The following TSHZ3 variants were observed in gnomAD, a reference collection of about 807,000 sequenced individuals.
The protein encoded by TSHZ3 is teashirt zinc finger homeobox 3, also known as teashirt homolog 3.
TSHZ3 carries 10 observed loss-of-function variants against 64.5 expected under a neutral mutation model. That is an observed-to-expected ratio of 0.16 (90% CI 0.10 to 0.26). The LOEUF (loss-of-function observed/expected upper bound fraction) is 0.26, where lower values mean the gene tolerates loss of function less well. Ranked by LOEUF, TSHZ3 falls within the 10% of genes least tolerant of loss-of-function variation. The probability of loss-of-function intolerance (pLI) is 1.00; values close to 1 mark genes in which losing one functional copy is unlikely to be tolerated. For missense variants in TSHZ3, 1,242 were observed against 1,421.7 expected, an observed-to-expected ratio of 0.87 and a Z score of 2.03; for synonymous variants, 608 against 593.1, an observed-to-expected ratio of 1.03 and a Z score of -0.36.
At chr19:31,156,355 C>T (rs528397327) in intron 6 of TSHZ3, among the ~76,000 whole-genome samples, 3 of 152,232 alleles carry the variant, frequency 2.0e-5, no homozygotes, top group Non-Finnish European at 2.9e-5. Context: ...TCTCCAAATA[C>T]CTTGTCTTTT....
intron 5 of TSHZ3, among the ~76,000 whole-genome samples, chr19:31,203,829 C>G (rs1314345357): frequency 6.6e-6 from 1 of 151,868 alleles, no homozygotes; most frequent in Non-Finnish European, 1.5e-5. Context: ...CTTCTCCCCT[C>G]TCTTCTCTCC....
chr19:31,189,490 T>C (rs954189435), intron 5 of TSHZ3, among the ~76,000 whole-genome samples: 1 of 152,118 alleles, frequency 6.6e-6, no homozygotes, highest in African/African-American at 2.4e-5. Flanking sequence ...TTTTTTCCTT[T>C]TGATGAGTAG....
At chr19:31,261,267 G>A (rs982098459) in intron 1 of TSHZ3, among the ~76,000 whole-genome samples, 1 of 152,166 alleles carries the variant, frequency 6.6e-6, no homozygotes, top group Non-Finnish European at 1.5e-5. Context: ...ATTCAAAGGA[G>A]CATCTTCAGA....
chr19:31,232,573 C>T (rs893910211), intron 3 of TSHZ3, among the ~76,000 whole-genome samples: 2 of 152,142 alleles, frequency 1.3e-5, no homozygotes, highest in Non-Finnish European at 2.9e-5. Flanking sequence ...TTTAAAATAG[C>T]AAAATACACA....
intron 1 of TSHZ3, among the ~76,000 whole-genome samples, chr19:31,345,375 T>C (rs8104771): frequency 0.53 from 81,187 of 152,050 alleles, 22,417 homozygotes; most frequent in East Asian, 0.93. Flanking sequence ...AGCTCCTTCC[T>C]GGAGCTGCCC....
At chr19:31,227,852 CA>C (rs1413443461) in intron 4 of TSHZ3, among the ~76,000 whole-genome samples, 1 of 152,168 alleles carries the variant, frequency 6.6e-6, no homozygotes. Flanking sequence ...TTTCTTCTGC[CA>C]GAAACCTTGG....
chr19:31,157,639 A>G (rs1974322334), intron 5 of TSHZ3, among the ~76,000 whole-genome samples: 1 of 152,242 alleles, frequency 6.6e-6, no homozygotes. Context: ...TGAATTAAAC[A>G]CAAACATATA....
intron 1 of TSHZ3, among the ~76,000 whole-genome samples, chr19:31,300,639 C>T (rs1340672118): frequency 6.6e-6 from 1 of 152,166 alleles, no homozygotes; most frequent in Admixed American, 6.5e-5. Flanking sequence ...CCACAGCGTG[C>T]ATGGAGCTGA....
intron 1 of TSHZ3, among the ~76,000 whole-genome samples, chr19:31,325,396 A>G (rs1247400501): frequency 6.6e-6 from 1 of 152,228 alleles, no homozygotes; most frequent in Non-Finnish European, 1.5e-5. Context: ...GAAATAAAAA[A>G]GGCAAAGATG....
rs1222537518 is a variant in TSHZ3, at chr19:31,277,657, G to A, written c.2136C>T (p.His712=). 2 of 1,535,538 alleles carry A rather than the reference G, an allele frequency of 1.3e-6. No homozygotes were observed. Among genetic ancestry groups the A allele is most frequent in the Non-Finnish European group, 1.8e-6 (2 of 1,142,486 alleles). ...GGTTAACAAAAGGCTGTTCAGGCGGGTGGTCGGTGATGATGGCCGTGCTGC... is the reference window on the plus strand; with the variant it reads ...GGTTAACAAAAGGCTGTTCAGGCGGATGGTCGGTGATGATGGCCGTGCTGC... ...LSGSTAIITD[H]PPEQPFVNPL... Residue 712 remains histidine (H), a synonymous_variant, in exon 2 of 2, where the codon CAC becomes CAT. Transcript: ENST00000240587. The surrounding 1 kb of genome is among the most constrained non-coding windows in gnomAD (Gnocchi z 4.5).
rs149588548 is a variant in TSHZ3 at position 31,251,240 on chromosome 19, G to A, written n.64-8365C>T. Among the ~76,000 whole-genome samples, 20 of 152,254 alleles carry A rather than the reference G, an allele frequency of 1.3e-4. No homozygotes were observed. The East Asian group carries it at 3.9e-3, about 30-fold the overall frequency. ...CTTGTCCCAGGGCAAGGAGTATGCA[G>A]ATACAGGGGACATGTCTGCCTGGGA... On this transcript the variant is annotated intron_variant and non_coding_transcript_variant, in intron 1 of 6. Coordinates refer to the TSHZ3 transcript ENST00000651361.
At chr19:31,164,896 C>T (rs922764793) in intron 5 of TSHZ3, among the ~76,000 whole-genome samples, 15 of 152,354 alleles carry the variant, frequency 9.8e-5, no homozygotes, top group African/African-American at 3.4e-4. Flanking sequence ...GGAAACACAA[C>T]ACAGACAGCC....
chr19:31,257,676 G>A (rs561861260), intron 1 of TSHZ3, among the ~76,000 whole-genome samples: 23 of 151,914 alleles, frequency 1.5e-4, no homozygotes, highest in Admixed American at 5.2e-4. Flanking sequence ...CCGGCTGCAC[G>A]GGACTATGCT....
intron 1 of TSHZ3, among the ~76,000 whole-genome samples, chr19:31,305,106 TTG>T: frequency 6.6e-6 from 1 of 152,282 alleles, no homozygotes; most frequent in Admixed American, 6.5e-5. Context: ...CCACGAGCAT[TTG>T]TGTTTTATAA....
chr19:31,290,519 G>C (rs1045498087), intron 1 of TSHZ3, among the ~76,000 whole-genome samples: 5 of 152,094 alleles, frequency 3.3e-5, no homozygotes, highest in Non-Finnish European at 5.9e-5. Context: ...AGAAAAAAAG[G>C]GTTCTAGAGG....
chr19:31,181,805 T>G (rs1231122005), intron 5 of TSHZ3, among the ~76,000 whole-genome samples: 1 of 152,192 alleles, frequency 6.6e-6, no homozygotes, highest in African/African-American at 2.4e-5. Flanking sequence ...TTTGCAATAT[T>G]TTCAGCCAAT....
intron 3 of TSHZ3, among the ~76,000 whole-genome samples, chr19:31,234,310 G>A (rs1430386869): frequency 2.0e-5 from 3 of 151,728 alleles, no homozygotes; most frequent in African/African-American, 7.3e-5. Context: ...GATAACATTT[G>A]TTAATACATT....
intron 5 of TSHZ3, among the ~76,000 whole-genome samples, chr19:31,169,724 G>A (rs1305037455): frequency 6.6e-6 from 1 of 152,148 alleles, no homozygotes; most frequent in African/African-American, 2.4e-5. Context: ...GAGCAATGCT[G>A]TGATCTTCCA....
chr19:31,175,858 C>G (rs1568337589), intron 5 of TSHZ3, among the ~76,000 whole-genome samples: 1 of 152,228 alleles, frequency 6.6e-6, no homozygotes, highest in Non-Finnish European at 1.5e-5. Flanking sequence ...CTGGCATCAG[C>G]CTTTACTTAG....
Sources: gnomAD v4.1 joint callset for allele counts (sites outside exome capture counted in the v4.1 genomes callset) on GRCh38, gnomAD v4.1.1 for gene constraint, Gnocchi (gnomAD v3.1) non-coding constraint, MANE v1.5 for transcripts, NCBI Gene and HGNC (gene_info 2026-07-23, HGNC 2026-07-21) for gene names.